Variants in RAD54L2 observed in about 807,000 individuals in gnomAD.
The protein encoded by RAD54L2 is helicase ARIP4.
A neutral mutation model predicts 138.4 loss-of-function variants in RAD54L2; 27 were observed. That is an observed-to-expected ratio of 0.20 (90% CI 0.14 to 0.27). RAD54L2 has a LOEUF of 0.27. Among genes scored for constraint, RAD54L2 ranks in the 10% least tolerant of loss-of-function variants. RAD54L2 has a pLI of 1.00. For missense variants in RAD54L2, 1,396 were observed against 1,890.2 expected (o/e 0.74, Z 4.85); for synonymous variants, 644 against 723.2 (o/e 0.89, Z 1.76).
chr3:51,638,178 G>T lies in RAD54L2; in HGVS notation c.1717G>T (p.Ala573Ser). Residue 573 changes from alanine to serine, a missense_variant, in exon 12 of 23, where the codon GCC becomes TCC. This residue lies in a region of RAD54L2 where 211 missense variants were observed against 273.8 expected (regional missense o/e 0.77). Transcript: ENST00000684192. The surrounding 1 kb of genome is among the most constrained non-coding windows in gnomAD (Gnocchi z 4.3). ...GHTVLKIHLP[A>S]KEENVILVRL... ...CACTGTGCTGAAGATTCATCTCCCT[G>T]CCAAGGAAGAAAATGTGATCCTTGT... 1 of 1,613,964 alleles carries T rather than the reference G, an allele frequency of 6.2e-7. No homozygotes were observed. Among genetic ancestry groups the T allele is most frequent in the Admixed American group, 1.7e-5 (1 of 60,018 alleles).
At chr3:51,597,940 C>T (rs1262756977) in intron 3 of RAD54L2, among the ~76,000 whole-genome samples, 5 of 137,462 alleles carry the variant, frequency 3.6e-5, no homozygotes, top group East Asian at 2.1e-4. Context: ...GGCTACAGAG[C>T]GAGACTTTGT....
intron 2 of RAD54L2, among the ~76,000 whole-genome samples, chr3:51,584,484 G>A (rs1161300611): frequency 6.6e-6 from 1 of 152,008 alleles, no homozygotes; most frequent in East Asian, 1.9e-4. Context: ...TTTGAAGTAT[G>A]CATTGGGTGT....
intron 7 of RAD54L2, among the ~76,000 whole-genome samples, chr3:51,631,436 T>C (rs1397812474): frequency 4.0e-5 from 6 of 151,624 alleles, no homozygotes; most frequent in Non-Finnish European, 7.4e-5. Flanking sequence ...TTTTTTTTTT[T>C]TTCTCCTGAG....
chr3:51,613,596 G>A (rs1190807100), intron 3 of RAD54L2, among the ~76,000 whole-genome samples: 1 of 152,014 alleles, frequency 6.6e-6, no homozygotes, highest in African/African-American at 2.4e-5. Flanking sequence ...GTGAAACCCT[G>A]TCTGTGGTAG....
chr3:51,573,245 CAA>C (rs1699381896), intron 2 of RAD54L2, among the ~76,000 whole-genome samples: 1 of 151,976 alleles, frequency 6.6e-6, no homozygotes, highest in African/African-American at 2.4e-5. Context: ...AGAGACAAGC[CAA>C]GTGAGACTTT....
chr3:51,543,539 C>T lies in RAD54L2; in HGVS notation c.-55+1889C>T, dbSNP rs782726129. Among the ~76,000 whole-genome samples the T allele has an allele frequency of 9.0e-5, 13 of 144,788 alleles. 1 individual carries two copies. Among genetic ancestry groups the T allele is most frequent in the Non-Finnish European group, 1.9e-4 (13 of 67,042 alleles). 95.0% of individuals were successfully genotyped at this position (144,788 alleles called of 152,430 possible). A position where few individuals can be genotyped will look rare whatever the true frequency, so the allele number is the denominator to read the frequency against. On this transcript the variant is annotated intron_variant, in intron 2 of 22. Transcript: ENST00000684192. ...AGGAGAATTGCTTGAACCTAGGAGGCGGAGGTTGCGGTGAGCAGAGGTTGT... is the reference window on the plus strand; with the variant it reads ...AGGAGAATTGCTTGAACCTAGGAGGTGGAGGTTGCGGTGAGCAGAGGTTGT...
intron 15 of RAD54L2, among the ~76,000 whole-genome samples, chr3:51,642,289 A>G (rs1438837926): frequency 1.3e-5 from 2 of 151,318 alleles, no homozygotes; most frequent in Non-Finnish European, 1.5e-5. Flanking sequence ...AGCCTAGATC[A>G]TGCATTCTCT....
At chr3:51,632,084 C>T (rs1326679966) in intron 7 of RAD54L2, among the ~76,000 whole-genome samples, 1 of 152,136 alleles carries the variant, frequency 6.6e-6, no homozygotes, top group African/African-American at 2.4e-5. Flanking sequence ...TGATATTTGT[C>T]TTTCTGTGCC....
At chr3:51,556,400 A>G (rs1223598477) in intron 2 of RAD54L2, among the ~76,000 whole-genome samples, 1 of 151,972 alleles carries the variant, frequency 6.6e-6, no homozygotes, top group East Asian at 1.9e-4. Context: ...GGGTGCCACC[A>G]TGGCTGGCTA....
At chr3:51,581,350 G>A (rs907866578) in intron 2 of RAD54L2, among the ~76,000 whole-genome samples, 7 of 152,086 alleles carry the variant, frequency 4.6e-5, no homozygotes, top group African/African-American at 1.7e-4. Flanking sequence ...CACCCACCTC[G>A]GCCTCCCAAA....
At chr3:51,586,049 A>G (rs987713006) in intron 2 of RAD54L2, among the ~76,000 whole-genome samples, 3 of 151,894 alleles carry the variant, frequency 2.0e-5, no homozygotes, top group Admixed American at 2.0e-4. Context: ...TCTGTCTAAC[A>G]GTTCTGCTAA....
intron 3 of RAD54L2, among the ~76,000 whole-genome samples, chr3:51,624,639 G>A (rs556335674): frequency 3.0e-4 from 45 of 152,240 alleles, no homozygotes; most frequent in African/African-American, 9.4e-4. Flanking sequence ...CCTCCAGTCC[G>A]TTTTTAAACA....
chr3:51,655,524 A>T (rs1440082395), intron 19 of RAD54L2, among the ~76,000 whole-genome samples: 1 of 152,192 alleles, frequency 6.6e-6, no homozygotes, highest in Non-Finnish European at 1.5e-5. Flanking sequence ...GATCACCTAA[A>T]CGTGTCGTTA....
intron 2 of RAD54L2, among the ~76,000 whole-genome samples, chr3:51,559,250 T>G (rs1242804070): frequency 1.3e-5 from 2 of 152,284 alleles, no homozygotes; most frequent in Middle Eastern, 3.4e-3. Flanking sequence ...AAATTTTATC[T>G]CCACTGATAT....
chr3:51,643,918 TAATC>T lies in RAD54L2; in HGVS notation c.2396_2399del (p.Asn799SerfsTer24), dbSNP rs1254256546. 6.2e-7 allele frequency: 1 copy of T among 1,608,450 alleles called. No homozygotes were observed. Among genetic ancestry groups the T allele is most frequent in the South Asian group, 1.1e-5 (1 of 89,340 alleles). On this transcript the variant is annotated frameshift_variant, in exon 16 of 23. Transcript: ENST00000684192. LOFTEE classifies it high-confidence loss of function. ...CTGCCTTTGAGAGGGAGCGGCTTAT[TAATC>T]AGTTCAATGATCCCAGCAACCTCAC...
intron 19 of RAD54L2, 120 bp from the exon 20 acceptor site, chr3:51,655,851 C>A: frequency 2.4e-6 from 2 of 843,196 alleles, no homozygotes; most frequent in Non-Finnish European, 3.7e-6. Context: ...TTCTTCTGAT[C>A]CTTCTCTGAG....
rs549488448 is a variant in RAD54L2 at position 51,637,896 on chromosome 3, TC to T, written c.1683-244del. ...CCAAATTAAAGTAAGAACCTCAAGT[TC>T]CCCTGTCTCTGTCATGCAGTCAGAC... On this transcript the variant is annotated intron_variant, in intron 11 of 22. Transcript: ENST00000684192. The surrounding 1 kb of genome is among the most constrained non-coding windows in gnomAD (Gnocchi z 5.9). Among the ~76,000 whole-genome samples the T allele has an allele frequency of 1.9e-3, 294 of 152,294 alleles. 2 individuals carry two copies. The highest frequency in any genetic ancestry group is 2.8e-3 in the Non-Finnish European group (192 of 68,026).
chr3:51,566,063 C>T (rs886787708), intron 2 of RAD54L2, among the ~76,000 whole-genome samples: 13 of 148,980 alleles, frequency 8.7e-5, no homozygotes, highest in Non-Finnish European at 1.6e-4. Context: ...CTCCTGACCT[C>T]GTGATATGCC....
intron 1 of RAD54L2, among the ~76,000 whole-genome samples, chr3:51,540,670 T>C (rs1180359876): frequency 6.6e-6 from 1 of 152,248 alleles, no homozygotes; most frequent in Non-Finnish European, 1.5e-5. Flanking sequence ...GTTAGGTAAT[T>C]CTGTTTGTAG....
Sources: gnomAD v4.1 joint callset for allele counts (sites outside exome capture counted in the v4.1 genomes callset) on GRCh38, gnomAD v4.1.1 for gene constraint, gnomAD v4.1.1 regional missense constraint, Gnocchi (gnomAD v3.1) non-coding constraint, MANE v1.5 for transcripts, NCBI Gene and HGNC (gene_info 2026-07-23, HGNC 2026-07-21) for gene names.